NAALADL2: variants seen among roughly 807,000 people sequenced by gnomAD.
The protein encoded by NAALADL2 is inactive N-acetylated-alpha-linked acidic dipeptidase-like protein 2.
In NAALADL2, 76 loss-of-function variants were observed where a neutral mutation model predicts 87.2. The observed-to-expected ratio is 0.87, with a 90% CI of 0.72 to 1.05. The LOEUF is 1.05. Among genes scored for constraint, NAALADL2 ranks in the 50% least tolerant of loss-of-function variants. NAALADL2 has a pLI of 0.00. For missense variants in NAALADL2, 1,089 were observed against 945.8 expected (o/e 1.15, Z -1.99); for synonymous variants, 354 against 331.0 (o/e 1.07, Z -0.75).
intron 9 of NAALADL2, among the ~76,000 whole-genome samples, chr3:175,567,797 G>A (rs1308510270): frequency 6.6e-6 from 1 of 150,674 alleles, no homozygotes; most frequent in Non-Finnish European, 1.5e-5. Context: ...CTCACTGCAA[G>A]CTCCGCCTCC....
intron 9 of NAALADL2, among the ~76,000 whole-genome samples, chr3:175,553,198 G>C (rs1181422699): frequency 6.6e-6 from 1 of 152,132 alleles, no homozygotes; most frequent in Non-Finnish European, 1.5e-5. Context: ...GTTATTTCAT[G>C]TAGCAGTTGT....
At chr3:175,110,434 A>G (rs947970826) in intron 2 of NAALADL2, among the ~76,000 whole-genome samples, 4 of 151,794 alleles carry the variant, frequency 2.6e-5, no homozygotes, top group African/African-American at 9.7e-5. Flanking sequence ...TTATACTGCA[A>G]TTTCAGCCCT....
In NAALADL2 at chr3:175,096,960, C is replaced by A; in HGVS notation, c.214C>A (p.Gln72Lys). 1 of 1,613,318 alleles carries A rather than the reference C, an allele frequency of 6.2e-7. No homozygotes were observed. Among genetic ancestry groups the A allele is most frequent in the South Asian group, 1.1e-5 (1 of 91,064 alleles). Reference protein sequence around the residue: ...DQFQLDGAENQNLGHSETIDL... With the variant: ...DQFQLDGAENKNLGHSETIDL... ...ATTCCAGCTAGACGGTGCTGAGAATCAGAACCTAGGGCATTCAGAGACTAT... is the reference window on the plus strand; with the variant it reads ...ATTCCAGCTAGACGGTGCTGAGAATAAGAACCTAGGGCATTCAGAGACTAT... Residue 72 changes from glutamine to lysine, a missense_variant, in exon 2 of 14, where the codon CAG (glutamine) becomes AAG (lysine). Coordinates refer to ENST00000454872, the MANE Select transcript of NAALADL2 (RefSeq NM_207015.3).
intron 1 of NAALADL2, among the ~76,000 whole-genome samples, chr3:174,889,112 T>C (rs1699117610): frequency 1.3e-5 from 2 of 152,184 alleles, no homozygotes; most frequent in Admixed American, 1.3e-4. Context: ...AACTTCTGTT[T>C]AATTTCAAAA....
intron 1 of NAALADL2, among the ~76,000 whole-genome samples, chr3:175,080,090 C>T (rs886581674): frequency 1.4e-3 from 215 of 152,118 alleles, no homozygotes; most frequent in African/African-American, 5.0e-3. Flanking sequence ...CTCAGCCTCC[C>T]GAGTAGCTGG....
At chr3:175,318,026 A>G (rs992453143) in intron 4 of NAALADL2, among the ~76,000 whole-genome samples, 10 of 152,150 alleles carry the variant, frequency 6.6e-5, no homozygotes, top group Non-Finnish European at 1.5e-5. Context: ...AAAAATTATA[A>G]AGAGTTTAAA....
At chr3:174,727,935 TG>T (rs1454657369) in intron 2 of NAALADL2, among the ~76,000 whole-genome samples, 1 of 152,186 alleles carries the variant, frequency 6.6e-6, no homozygotes, top group East Asian at 1.9e-4. Context: ...TCCATAGTTT[TG>T]CATTTTCCAT....
intron 9 of NAALADL2, among the ~76,000 whole-genome samples, chr3:175,546,313 A>C (rs1179991095): frequency 6.6e-6 from 1 of 152,120 alleles, no homozygotes; most frequent in Non-Finnish European, 1.5e-5. Flanking sequence ...TCTTGAAGAC[A>C]CCATACCAAT....
chr3:174,587,546 C>T (rs1371319836), intron 2 of NAALADL2, among the ~76,000 whole-genome samples: 1 of 152,168 alleles, frequency 6.6e-6, no homozygotes, highest in Non-Finnish European at 1.5e-5. Flanking sequence ...GTGCTTCCTT[C>T]AGGAGCTCTC....
intron 1 of NAALADL2, chr3:175,081,266 T>C (rs1437015113): frequency 6.6e-6 from 1 of 152,212 alleles, no homozygotes; most frequent in Non-Finnish European, 1.5e-5. Flanking sequence ...ATGTGATAAA[T>C]ATAACACAGT....
chr3:174,525,387 A>G (rs372804526), intron 1 of NAALADL2, among the ~76,000 whole-genome samples: 2 of 152,240 alleles, frequency 1.3e-5, no homozygotes, highest in East Asian at 3.8e-4. Context: ...GGAGCTTACA[A>G]TCATGACAGA....
At chr3:175,284,187 T>TG (rs931393728) in intron 4 of NAALADL2, among the ~76,000 whole-genome samples, 2 of 2,758 alleles carry the variant, frequency 7.3e-4, no homozygotes, top group African/African-American at 5.3e-3. Flanking sequence ...TTACACTGTG[T>TG]TTTTTTTTTT....
intron 11 of NAALADL2, among the ~76,000 whole-genome samples, chr3:175,628,520 C>T (rs1260404123): frequency 6.7e-6 from 1 of 149,762 alleles, no homozygotes; most frequent in South Asian, 2.1e-4. Context: ...TTACATTTAC[C>T]AATTATTTAT....
At chr3:175,583,944 C>T (rs1287370283) in intron 10 of NAALADL2, among the ~76,000 whole-genome samples, 1 of 152,046 alleles carries the variant, frequency 6.6e-6, no homozygotes, top group African/African-American at 2.4e-5. Context: ...TTGCGTCAGG[C>T]ATTGTTCTGT....
intron 11 of NAALADL2, among the ~76,000 whole-genome samples, chr3:175,667,245 GAAAGAAAGA>G (rs1733295145): frequency 1.1e-4 from 13 of 122,488 alleles, no homozygotes; most frequent in African/African-American, 4.2e-4. Context: ...GAAAGAAAAA[GAAAGAAAGA>G]AAGAAAGAAA....
chr3:174,761,575 A>C (rs1263821247), intron 3 of NAALADL2, among the ~76,000 whole-genome samples: 1 of 152,304 alleles, frequency 6.6e-6, no homozygotes, highest in East Asian at 1.9e-4. Context: ...AAAGGATCCT[A>C]TTAGGTTGGC....
intron 4 of NAALADL2, among the ~76,000 whole-genome samples, chr3:175,296,292 A>G (rs1261745567): frequency 1.3e-5 from 2 of 152,118 alleles, no homozygotes; most frequent in African/African-American, 4.8e-5. Context: ...AATCCCACAA[A>G]TGGAAGAGCT....
intron 2 of NAALADL2, among the ~76,000 whole-genome samples, chr3:174,564,506 T>C (rs1283054341): frequency 2.0e-5 from 3 of 152,166 alleles, no homozygotes; most frequent in Admixed American, 6.6e-5. Context: ...TTTAGTGATG[T>C]ACATGAAATT....
intron 11 of NAALADL2, among the ~76,000 whole-genome samples, chr3:175,670,953 C>G (rs890807012): frequency 1.3e-5 from 2 of 151,252 alleles, no homozygotes; most frequent in Non-Finnish European, 3.0e-5. Flanking sequence ...ACGTAAATTA[C>G]CTTATTTTGA....
Sources: gnomAD v4.1 joint callset for allele counts (sites outside exome capture counted in the v4.1 genomes callset) on GRCh38, gnomAD v4.1.1 for gene constraint, MANE v1.5 for transcripts, NCBI Gene and HGNC (gene_info 2026-07-23, HGNC 2026-07-21) for gene names.